Variants in ST6GALNAC3 observed in about 807,000 individuals in gnomAD.
The protein encoded by ST6GALNAC3 is alpha-N-acetylgalactosaminide alpha-2,6-sialyltransferase 3.
A neutral mutation model predicts 32.7 loss-of-function variants in ST6GALNAC3; 25 were observed. The observed-to-expected ratio is 0.76, with a 90% CI of 0.56 to 1.07. The LOEUF is 1.07. Among genes scored for constraint, ST6GALNAC3 ranks in the 50% least tolerant of loss-of-function variants. The pLI is 0.00. For synonymous variants in ST6GALNAC3, 129 were observed against 133.1 expected, an observed-to-expected ratio of 0.97 and a Z score of 0.21; for missense variants, 355 against 382.4, an observed-to-expected ratio of 0.93 and a Z score of 0.60.
intron 1 of ST6GALNAC3, among the ~76,000 whole-genome samples, chr1:76,163,015 G>A (rs1651907656): frequency 2.6e-5 from 4 of 152,170 alleles, no homozygotes; most frequent in South Asian, 4.1e-4. Context: ...GGGTCTTGTA[G>A]GTGTTCAATC....
At chr1:76,088,041 A>T (rs1420063828) in intron 1 of ST6GALNAC3, among the ~76,000 whole-genome samples, 1 of 152,178 alleles carries the variant, frequency 6.6e-6, no homozygotes, top group Admixed American at 6.5e-5. Flanking sequence ...TTATTTGTAT[A>T]ATTGTTATTG....
intron 3 of ST6GALNAC3, among the ~76,000 whole-genome samples, chr1:76,461,960 G>T (rs1446542667): frequency 6.6e-6 from 1 of 152,108 alleles, no homozygotes; most frequent in Admixed American, 6.6e-5. Context: ...GGGTCTTGAT[G>T]GTGCATAGCA....
chr1:76,610,915 G>T (rs182377044), intron 3 of ST6GALNAC3, among the ~76,000 whole-genome samples: 2 of 152,104 alleles, frequency 1.3e-5, no homozygotes, highest in African/African-American at 2.4e-5. Flanking sequence ...CATAGCAGGC[G>T]CCCAGCTACG....
At chr1:76,548,652 T>A (rs768686358) in intron 3 of ST6GALNAC3, among the ~76,000 whole-genome samples, 1 of 152,112 alleles carries the variant, frequency 6.6e-6, no homozygotes, top group African/African-American at 2.4e-5. Context: ...ACGTGCAAGA[T>A]AGTCTGAAAT....
At chr1:76,301,700 C>T (rs1660734452) in intron 1 of ST6GALNAC3, among the ~76,000 whole-genome samples, 1 of 151,886 alleles carries the variant, frequency 6.6e-6, no homozygotes, top group Non-Finnish European at 1.5e-5. Context: ...TACCGAGGTT[C>T]AACTTTGACC....
intron 1 of ST6GALNAC3, among the ~76,000 whole-genome samples, chr1:76,277,570 A>G (rs1659227864): frequency 1.9e-5 from 1 of 53,760 alleles, no homozygotes; most frequent in Non-Finnish European, 3.4e-5. Context: ...ATATATATAC[A>G]CACACACATA....
At chr1:76,415,251 T>C (rs1181985684) in intron 3 of ST6GALNAC3, among the ~76,000 whole-genome samples, 1 of 151,286 alleles carries the variant, frequency 6.6e-6, no homozygotes, top group African/African-American at 2.4e-5. Context: ...TTTCTCTTTT[T>C]TTAATGTTAG....
chr1:76,463,433 T>C (rs1244685443), intron 3 of ST6GALNAC3, among the ~76,000 whole-genome samples: 4 of 152,170 alleles, frequency 2.6e-5, no homozygotes, highest in Admixed American at 1.3e-4. Flanking sequence ...TGCCAAACTT[T>C]TGTCACTTTG....
intron 3 of ST6GALNAC3, among the ~76,000 whole-genome samples, chr1:76,445,023 A>G (rs570846374): frequency 4.2e-4 from 64 of 152,354 alleles, no homozygotes; most frequent in African/African-American, 1.5e-3. Context: ...TCTAGTCTAA[A>G]GCAAGGGAAC....
intron 1 of ST6GALNAC3, among the ~76,000 whole-genome samples, chr1:76,093,085 C>G (rs1320366670): frequency 2.0e-5 from 3 of 152,038 alleles, no homozygotes; most frequent in Non-Finnish European, 4.4e-5. Context: ...TGTGGGAGTG[C>G]AGTAGTAAAG....
Position 76,630,936 on chromosome 1 carries a change from C to T in ST6GALNAC3, c.*2130C>T, listed in dbSNP as rs1557642989. 3.0e-6 allele frequency: 3 copies of T among 985,214 alleles called. No homozygotes were observed. Among genetic ancestry groups the T allele is most frequent in the Non-Finnish European group, 3.6e-6 (3 of 829,652 alleles). 61.0% of individuals were successfully genotyped at this position (985,214 alleles called of 1,614,324 possible). On this transcript the variant is annotated 3_prime_UTR_variant, in exon 5 of 5. Transcript: ENST00000328299. The stretch of plus-strand genomic sequence containing the variant: ...GTTTCACTTTAAAATAAAAAGAAAT[C>T]CTTGATTAATCAGAATGGCTTGGGA...
intron 3 of ST6GALNAC3, among the ~76,000 whole-genome samples, chr1:76,601,573 C>G (rs1031969890): frequency 5.9e-5 from 9 of 152,188 alleles, no homozygotes; most frequent in African/African-American, 2.2e-4. Context: ...CTACCAAGTG[C>G]TGGCCTGAAG....
At chr1:76,274,177 C>T (rs1659009377) in intron 1 of ST6GALNAC3, among the ~76,000 whole-genome samples, 1 of 152,176 alleles carries the variant, frequency 6.6e-6, no homozygotes, top group Non-Finnish European at 1.5e-5. Context: ...ATCAATTATG[C>T]ATATGTGCAC....
chr1:76,103,361 C>G (rs920188574), intron 1 of ST6GALNAC3, among the ~76,000 whole-genome samples: 1 of 152,048 alleles, frequency 6.6e-6, no homozygotes, highest in African/African-American at 2.4e-5. Context: ...CTCACTGTAT[C>G]CTGTAGTGTC....
At chr1:76,556,344 G>A in intron 3 of ST6GALNAC3, among the ~76,000 whole-genome samples, 1 of 152,000 alleles carries the variant, frequency 6.6e-6, no homozygotes, top group Non-Finnish European at 1.5e-5. Flanking sequence ...CAACATTCAT[G>A]TACAAGTTTT....
chr1:76,283,098 G>A (rs370152307), intron 1 of ST6GALNAC3, among the ~76,000 whole-genome samples: 2 of 151,872 alleles, frequency 1.3e-5, no homozygotes, highest in South Asian at 2.1e-4. Flanking sequence ...GCCCCTGAAC[G>A]CCCCCATCCC....
At chr1:76,225,513 G>GC (rs1240146427) in intron 1 of ST6GALNAC3, among the ~76,000 whole-genome samples, 1 of 152,102 alleles carries the variant, frequency 6.6e-6, no homozygotes, top group Non-Finnish European at 1.5e-5. Context: ...AGAACTCCCT[G>GC]CCCCAACCCC....
intron 1 of ST6GALNAC3, among the ~76,000 whole-genome samples, chr1:76,152,104 A>G (rs1051771535): frequency 1.3e-5 from 2 of 152,178 alleles, no homozygotes; most frequent in South Asian, 4.1e-4. Context: ...AAAAGATTAA[A>G]TCCTATTTGG....
chr1:76,221,783 G>C (rs969086035), intron 1 of ST6GALNAC3, among the ~76,000 whole-genome samples: 5 of 152,120 alleles, frequency 3.3e-5, no homozygotes, highest in African/African-American at 1.2e-4. Context: ...TCCCTACAAT[G>C]AGTGACAGGT....
Sources: allele counts gnomAD v4.1 joint callset (sites outside exome capture counted in the v4.1 genomes callset), GRCh38; gene constraint gnomAD v4.1.1; transcripts MANE v1.5; gene names NCBI Gene and HGNC (gene_info 2026-07-23, HGNC 2026-07-21).